The following ZNF79 variants were observed in gnomAD, a reference collection of about 807,000 sequenced individuals.
The protein encoded by ZNF79 is zinc finger protein 79, also known as ZNFpT7.
In ZNF79, 13 loss-of-function variants were observed where a neutral mutation model predicts 14.9. That is an observed-to-expected ratio of 0.87 (90% CI 0.57 to 1.38). The LOEUF (loss-of-function observed/expected upper bound fraction) is 1.38, where lower values mean the gene tolerates loss of function less well. ZNF79 is among the 40% of genes most tolerant of loss of function. The pLI, the probability that ZNF79 is intolerant of heterozygous loss-of-function variation, is 0.00. For missense variants in ZNF79, 631 were observed against 630.6 expected (o/e 1.00, Z -0.01); for synonymous variants, 223 against 235.1 (o/e 0.95, Z 0.47).
chr9:127,426,372 CTT>C (rs34029339), intron 1 of ZNF79, among the ~76,000 whole-genome samples: 2,002 of 128,454 alleles, frequency 0.016, 42 homozygotes, highest in African/African-American at 0.052. Context: ...TAATATGTGA[CTT>C]TTTTTTTTTT....
intron 4 of ZNF79, among the ~76,000 whole-genome samples, chr9:127,440,338 G>A (rs1490741298): frequency 6.6e-6 from 1 of 152,150 alleles, no homozygotes; most frequent in East Asian, 1.9e-4. Flanking sequence ...GGAAGGGGAT[G>A]AGCCAGCTGT....
Position 127,424,548 on chromosome 9 carries a change from C to T in ZNF79, c.-240C>T, listed in dbSNP as rs1360194494. 1.9e-6 allele frequency: 1 copy of T among 514,944 alleles called. No individual in the cohort carries two copies. The highest frequency in any genetic ancestry group is 3.5e-6 in the Non-Finnish European group (1 of 286,848). 31.9% of individuals were successfully genotyped at this position (514,944 alleles called of 1,614,324 possible). A position where few individuals can be genotyped will look rare whatever the true frequency, so the allele number is the denominator to read the frequency against. On this transcript the variant is annotated 5_prime_UTR_variant, in exon 1 of 5. Transcript: ENST00000342483. Reference sequence around the variant, plus strand: ...TTTTTCACCGGGTTCTGCTTGAGGCCGAGCCAAAGAGTGGCTGTGACTCGG... The same window carrying T: ...TTTTTCACCGGGTTCTGCTTGAGGCTGAGCCAAAGAGTGGCTGTGACTCGG...
rs775781533 is a variant in ZNF79, at chr9:127,428,956, C to T, written c.105+36C>T. 1.1e-5 allele frequency: 16 copies of T among 1,431,876 alleles called. No individual in the cohort carries two copies. The South Asian group carries it at 1.8e-4, about 16-fold the overall frequency. 88.7% of individuals were successfully genotyped at this position (1,431,876 alleles called of 1,614,324 possible). On this transcript the variant is annotated intron_variant, in intron 2 of 4. Transcript: ENST00000342483. ...AATTAACTTTGGAAGGCATCCTTTTCTTCCCCCCTAATACTAATGGTAGGG... is the reference window on the plus strand; with the variant it reads ...AATTAACTTTGGAAGGCATCCTTTTTTTCCCCCCTAATACTAATGGTAGGG...
intron 4 of ZNF79, among the ~76,000 whole-genome samples, chr9:127,442,599 G>A (rs186989513): frequency 6.6e-6 from 1 of 152,074 alleles, no homozygotes; most frequent in African/African-American, 2.4e-5. Flanking sequence ...GCTACACTAA[G>A]TTTACTTTAC....
At chr9:127,434,454 G>A (rs1302442609) in intron 2 of ZNF79, among the ~76,000 whole-genome samples, 4 of 151,852 alleles carry the variant, frequency 2.6e-5, no homozygotes, top group Admixed American at 2.0e-4. Context: ...TTCTAATTTC[G>A]CTCTTTCTAT....
At chr9:127,427,770 T>C (rs1833787200) in intron 1 of ZNF79, among the ~76,000 whole-genome samples, 1 of 152,062 alleles carries the variant, frequency 6.6e-6, no homozygotes, top group Non-Finnish European at 1.5e-5. Flanking sequence ...ACTCTTGGGC[T>C]CCCTAAGTGC....
intron 2 of ZNF79, among the ~76,000 whole-genome samples, chr9:127,433,584 G>A (rs923006463): frequency 1.3e-5 from 2 of 152,108 alleles, no homozygotes; most frequent in African/African-American, 4.8e-5. Context: ...AGTAGGTGCC[G>A]CTTTGTTACA....
intron 1 of ZNF79, chr9:127,428,626 A>G: frequency 8.4e-7 from 1 of 1,184,434 alleles, no homozygotes. Flanking sequence ...GATACTTGAG[A>G]GTCTGTGAAC....
At chr9:127,441,459 C>T (rs534278276) in intron 4 of ZNF79, among the ~76,000 whole-genome samples, 6 of 152,234 alleles carry the variant, frequency 3.9e-5, no homozygotes, top group South Asian at 2.1e-4. Context: ...TCACAGAGCA[C>T]GTAAGAGGTG....
At position 127,444,714 on chromosome 9, in the gene ZNF79, T is replaced by A; in HGVS notation, c.1014T>A (p.Cys338Ter). ...TGEKPYKCSE[C>*]GKAFSYCAAF... ...AGAAGCCCTACAAGTGCAGCGAGTG[T>A]GGGAAGGCCTTCAGTTACTGCGCAG... Residue 338 changes from cysteine to a stop codon, truncating the protein, a stop_gained, in exon 5 of 5, where the codon TGT becomes TGA. Coordinates refer to ENST00000342483, the MANE Select transcript of ZNF79 (RefSeq NM_007135.3). LOFTEE classifies it low-confidence loss of function (END_TRUNC). The A allele has an allele frequency of 6.2e-7, 1 of 1,613,830 alleles. No individual in the cohort carries two copies. The highest frequency in any genetic ancestry group is 8.5e-7 in the Non-Finnish European group (1 of 1,179,892).
intron 4 of ZNF79, among the ~76,000 whole-genome samples, chr9:127,439,180 T>TACACAC (rs35455038): frequency 1.6e-4 from 6 of 37,378 alleles, no homozygotes; most frequent in Admixed American, 3.9e-4. Flanking sequence ...GTGGGTGAAA[T>TACACAC]ACACACACAC....
chr9:127,425,039 A>AAATCACGCAGTCTGAGGT, intron 1 of ZNF79: 1 of 1,059,556 alleles, frequency 9.4e-7, no homozygotes, highest in Non-Finnish European at 1.3e-6. Context: ...AGGACCTCAG[A>AAATCACGCAGTCTGAGGT]CTGCGTGATT....
chr9:127,432,796 C>G (rs1161599580), intron 2 of ZNF79, among the ~76,000 whole-genome samples: 1 of 152,130 alleles, frequency 6.6e-6, no homozygotes, highest in Non-Finnish European at 1.5e-5. Flanking sequence ...TCTCAAAACC[C>G]TAATATTCTA....
intron 2 of ZNF79, 76 bp downstream of exon 2, chr9:127,428,996 G>A: frequency 1.0e-6 from 1 of 991,718 alleles, no homozygotes; most frequent in South Asian, 2.1e-5. Flanking sequence ...CTTGTTTTTT[G>A]TTGTCATTGT....
intron 2 of ZNF79, among the ~76,000 whole-genome samples, chr9:127,429,920 G>A (rs900204997): frequency 1.3e-5 from 2 of 150,890 alleles, no homozygotes; most frequent in African/African-American, 4.9e-5. Flanking sequence ...AGGTTCAAGC[G>A]ATTCTCCTGC....
At position 127,438,299 on chromosome 9, in the gene ZNF79, G is replaced by A. The variant is rs930170375; in HGVS notation, c.328+2296G>A. Among the ~76,000 whole-genome samples the A allele has an allele frequency of 2.0e-5, 3 of 152,140 alleles. No individual in the cohort carries two copies. The East Asian group carries it at 5.8e-4, about 29-fold the overall frequency. Reference sequence around the variant, plus strand: ...ACTGGCTTCAGATTGGGGTTCCCACGACCCCCCTTTGGATTACATTAATTT... The same window carrying A: ...ACTGGCTTCAGATTGGGGTTCCCACAACCCCCCTTTGGATTACATTAATTT... On this transcript the variant is annotated intron_variant, in intron 4 of 4. Transcript: ENST00000342483.
At chr9:127,437,085 G>A (rs1448565356) in intron 4 of ZNF79, among the ~76,000 whole-genome samples, 1 of 139,332 alleles carries the variant, frequency 7.2e-6, no homozygotes, top group Non-Finnish European at 1.6e-5. Context: ...AAAAAAAGAA[G>A]ATGCAACCTG....
chr9:127,439,466 T>C (rs957606434), intron 4 of ZNF79, among the ~76,000 whole-genome samples: 4 of 152,180 alleles, frequency 2.6e-5, no homozygotes, highest in Admixed American at 2.6e-4. Flanking sequence ...AAGTTTCCAC[T>C]CTAGCTATTA....
In ZNF79 at chr9:127,428,973, A is replaced by T. The variant is rs1461748567; in HGVS notation, c.105+53A>T. 1.2e-5 allele frequency: 14 copies of T among 1,201,142 alleles called. No individual in the cohort carries two copies. The Admixed American group carries it at 2.9e-4, about 25-fold the overall frequency. The allele number at this position is 1,201,142 out of a possible 1,614,324, so 74.4% of individuals were successfully genotyped here. On this transcript the variant is annotated intron_variant, in intron 2 of 4. Transcript: ENST00000342483. ...ATCCTTTTCTTCCCCCCTAATACTAATGGTAGGGTTGCCTTGTTTTTTGTT... is the reference window on the plus strand; with the variant it reads ...ATCCTTTTCTTCCCCCCTAATACTATTGGTAGGGTTGCCTTGTTTTTTGTT...
Sources: gnomAD v4.1 joint callset for allele counts (sites outside exome capture counted in the v4.1 genomes callset) on GRCh38, gnomAD v4.1.1 for gene constraint, MANE v1.5 for transcripts, NCBI Gene and HGNC (gene_info 2026-07-23, HGNC 2026-07-21) for gene names.